Variants in PARD3B observed in about 807,000 individuals in gnomAD.
PARD3B encodes partitioning defective 3 homolog B.
Under a neutral mutation model 130.2 loss-of-function variants are expected in PARD3B, and 103 were observed. The observed-to-expected ratio is 0.79, with a 90% confidence interval of 0.67 to 0.93. PARD3B has a LOEUF of 0.93. PARD3B is among the 40% of genes least tolerant of loss of function. PARD3B has a pLI of 0.00. For missense variants in PARD3B, 1,609 were observed against 1,499.2 expected, an observed-to-expected ratio of 1.07 and a Z score of -1.21; for synonymous variants, 583 against 553.2, an observed-to-expected ratio of 1.05 and a Z score of -0.76.
chr2:205,308,782 G>A (rs974703872), intron 18 of PARD3B, among the ~76,000 whole-genome samples: 1 of 152,114 alleles, frequency 6.6e-6, no homozygotes, highest in Non-Finnish European at 1.5e-5. Context: ...AATTTACATG[G>A]TGTCAAGCAA....
At chr2:205,004,271 T>G (rs1695076648) in intron 3 of PARD3B, among the ~76,000 whole-genome samples, 2 of 152,202 alleles carry the variant, frequency 1.3e-5, no homozygotes, top group African/African-American at 4.8e-5. Flanking sequence ...TCAGTGCAGA[T>G]GATGAGAAAT....
intron 18 of PARD3B, among the ~76,000 whole-genome samples, chr2:205,349,973 C>T (rs570658620): frequency 6.6e-6 from 1 of 152,024 alleles, no homozygotes; most frequent in Admixed American, 6.5e-5. Context: ...CAAGCCAACA[C>T]CAAGCAGCCA....
intron 18 of PARD3B, among the ~76,000 whole-genome samples, chr2:205,311,189 A>G (rs1375391451): frequency 1.3e-5 from 2 of 152,128 alleles, no homozygotes; most frequent in Non-Finnish European, 2.9e-5. Flanking sequence ...TTAAATACCT[A>G]ATGGTGATAT....
At chr2:205,155,672 A>C (rs1462638878) in intron 10 of PARD3B, among the ~76,000 whole-genome samples, 1 of 152,192 alleles carries the variant, frequency 6.6e-6, no homozygotes, top group Non-Finnish European at 1.5e-5. Context: ...AATATTGTAA[A>C]AGTGTTCCTA....
intron 21 of PARD3B, among the ~76,000 whole-genome samples, chr2:205,527,895 T>G (rs571960465): frequency 3.3e-5 from 5 of 152,302 alleles, no homozygotes; most frequent in African/African-American, 1.2e-4. Context: ...AGCCTAGTCC[T>G]CATCTCACTA....
chr2:204,703,611 G>A (rs1401694067), intron 2 of PARD3B, among the ~76,000 whole-genome samples: 3 of 152,136 alleles, frequency 2.0e-5, no homozygotes, highest in African/African-American at 7.2e-5. Flanking sequence ...TTCAAGCTGT[G>A]TAATTATGAA....
intron 10 of PARD3B, among the ~76,000 whole-genome samples, chr2:205,132,759 A>G (rs990212660): frequency 6.6e-6 from 1 of 152,132 alleles, no homozygotes; most frequent in East Asian, 1.9e-4. Context: ...CAGTGTCTCA[A>G]TTTCCTCATT....
intron 2 of PARD3B, among the ~76,000 whole-genome samples, chr2:204,951,893 G>A (rs1461288407): frequency 1.3e-5 from 2 of 152,188 alleles, no homozygotes; most frequent in African/African-American, 4.8e-5. Context: ...TTTTTAACCT[G>A]TCACTGTCAC....
chr2:205,037,315 A>G (rs1476787075), intron 3 of PARD3B, among the ~76,000 whole-genome samples: 1 of 145,830 alleles, frequency 6.9e-6, no homozygotes, highest in Admixed American at 7.0e-5. Context: ...TAAAATATAT[A>G]TAGTGGACTA....
chr2:204,563,248 TCTCTCTCTC>T (rs2031452587), intron 1 of PARD3B, among the ~76,000 whole-genome samples: 2 of 149,214 alleles, frequency 1.3e-5, no homozygotes, highest in African/African-American at 4.9e-5. Flanking sequence ...TCTCTCTCTC[TCTCTCTCTC>T]TCTCTCTCTT....
At position 205,590,344 on chromosome 2, in the gene PARD3B, G is replaced by T. The variant is rs1048137141; in HGVS notation, c.3261-25112G>T. Among the ~76,000 whole-genome samples the T allele has an allele frequency of 2.0e-5, 3 of 150,060 alleles. No homozygotes were observed. The highest frequency in any genetic ancestry group is 7.4e-5 in the African/African-American group (3 of 40,604). On this transcript the variant is annotated intron_variant, in intron 22 of 22. Transcript: ENST00000406610. The surrounding 1 kb of genome is among the most constrained non-coding windows in gnomAD (Gnocchi z 4.1). ...GCTCTCAGGCACGCTCTTCCACCAT[G>T]GTGGCAAGATGGCTGCCCACAGCAT...
At chr2:205,070,975 A>T (rs1336976700) in intron 4 of PARD3B, among the ~76,000 whole-genome samples, 1 of 152,078 alleles carries the variant, frequency 6.6e-6, no homozygotes, top group African/African-American at 2.4e-5. Flanking sequence ...GATTACCTGG[A>T]AATAAAGTGC....
rs1477972760 is a variant in PARD3B, at chr2:205,591,195, C to A, written c.3261-24261C>A. The stretch of plus-strand genomic sequence containing the variant: ...CATCTAGAATATAACTAGGACAAGA[C>A]AAAAAACTGTTTAGAGAGAGTGTAC... On this transcript the variant is annotated intron_variant, in intron 22 of 22. Transcript: ENST00000406610. This position sits in a 1 kb window ranked among gnomAD's most constrained non-coding sequence, Gnocchi z 4.2. Among the ~76,000 whole-genome samples, 1 of 151,892 alleles carries A rather than the reference C, an allele frequency of 6.6e-6. No individual in the cohort carries two copies. The highest frequency in any genetic ancestry group is 1.5e-5 in the Non-Finnish European group (1 of 67,980).
At chr2:205,457,860 T>G (rs1402204490) in intron 20 of PARD3B, among the ~76,000 whole-genome samples, 1 of 152,192 alleles carries the variant, frequency 6.6e-6, no homozygotes, top group Non-Finnish European at 1.5e-5. Context: ...TGAAACTTTT[T>G]GAGCACTGAC....
chr2:205,021,073 T>C lies in PARD3B; in HGVS notation c.395-26508T>C, dbSNP rs2125331928. Reference sequence around the variant, plus strand: ...GAGTTCAGAGAAAGGTGATGGGAGATGGTGGGCAGAGAAAGCACCAGTTCC... The same window carrying C: ...GAGTTCAGAGAAAGGTGATGGGAGACGGTGGGCAGAGAAAGCACCAGTTCC... On this transcript the variant is annotated intron_variant, in intron 3 of 22. Transcript: ENST00000406610. This position sits in a 1 kb window ranked among gnomAD's most constrained non-coding sequence, Gnocchi z 4.5. Among the ~76,000 whole-genome samples, 1 of 152,186 alleles carries C rather than the reference T, an allele frequency of 6.6e-6. No homozygotes were observed. Among genetic ancestry groups the C allele is most frequent in the South Asian group, 2.1e-4 (1 of 4,822 alleles).
intron 19 of PARD3B, among the ~76,000 whole-genome samples, chr2:205,403,942 A>G (rs183309793): frequency 0.019 from 850 of 44,834 alleles, 10 homozygotes; most frequent in Non-Finnish European, 0.077. Context: ...AACCCTAGCC[A>G]GTGCTCACTC....
intron 22 of PARD3B, among the ~76,000 whole-genome samples, chr2:205,609,573 G>C (rs2055153517): frequency 6.6e-6 from 1 of 152,134 alleles, no homozygotes; most frequent in Non-Finnish European, 1.5e-5. Flanking sequence ...AATTAGCTTT[G>C]TTTTGGCTGC....
intron 20 of PARD3B, among the ~76,000 whole-genome samples, chr2:205,453,160 G>A (rs1362328780): frequency 6.6e-6 from 1 of 152,164 alleles, no homozygotes; most frequent in African/African-American, 2.4e-5. Context: ...ACAGTGTTAT[G>A]CTATGATATG....
chr2:204,882,147 A>T (rs1280872630), intron 2 of PARD3B, among the ~76,000 whole-genome samples: 1 of 152,174 alleles, frequency 6.6e-6, no homozygotes, highest in Non-Finnish European at 1.5e-5. Flanking sequence ...CAATCACTGG[A>T]GTTGATTTTA....
Sources: gnomAD v4.1 joint callset for allele counts (sites outside exome capture counted in the v4.1 genomes callset) on GRCh38, gnomAD v4.1.1 for gene constraint, Gnocchi (gnomAD v3.1) non-coding constraint, MANE v1.5 for transcripts, NCBI Gene and HGNC (gene_info 2026-07-23, HGNC 2026-07-21) for gene names.